The following CNTN4 variants were observed in gnomAD, a reference collection of about 807,000 sequenced individuals.
The protein encoded by CNTN4 is contactin-4.
Under a neutral mutation model 122.5 loss-of-function variants are expected in CNTN4, and 77 were observed. The observed-to-expected ratio is 0.63, with a 90% confidence interval of 0.52 to 0.76. The LOEUF (loss-of-function observed/expected upper bound fraction) is 0.76. Among genes scored for constraint, CNTN4 ranks in the 30% least tolerant of loss-of-function variants. The pLI is 0.00. For missense variants in CNTN4, 1,256 were observed against 1,259.1 expected (o/e 1.00, Z 0.04); for synonymous variants, 512 against 447.0 (o/e 1.15, Z -1.83).
At chr3:2,693,264 T>A (rs1347738655) in intron 4 of CNTN4, among the ~76,000 whole-genome samples, 1 of 152,338 alleles carries the variant, frequency 6.6e-6, no homozygotes, top group East Asian at 1.9e-4. Flanking sequence ...GACCAGTGCA[T>A]ATTTCTGTGT....
chr3:2,747,528 G>A (rs9855245), intron 6 of CNTN4, among the ~76,000 whole-genome samples: 12,922 of 151,528 alleles, frequency 0.085, 811 homozygotes, highest in African/African-American at 0.18. Context: ...GTAAAAGACC[G>A]GGCATTTTAC....
At chr3:2,448,941 C>T (rs2048725401) in intron 3 of CNTN4, among the ~76,000 whole-genome samples, 1 of 152,170 alleles carries the variant, frequency 6.6e-6, no homozygotes, top group Non-Finnish European at 1.5e-5. Flanking sequence ...GGCTACCTTT[C>T]TATCTCCAGA....
chr3:2,920,825 G>A (rs62232814), intron 12 of CNTN4, among the ~76,000 whole-genome samples: 59,688 of 151,854 alleles, frequency 0.39, 11,957 homozygotes, highest in East Asian at 0.64. Flanking sequence ...AACGCCCAAA[G>A]GAATAGGAGT....
At chr3:2,193,345 G>A (rs970765987) in intron 2 of CNTN4, among the ~76,000 whole-genome samples, 12 of 150,168 alleles carry the variant, frequency 8.0e-5, no homozygotes, top group African/African-American at 2.7e-4. Flanking sequence ...CTTTGAAGGA[G>A]AAGGAAAAAA....
At chr3:2,549,791 T>C (rs576912723) in intron 3 of CNTN4, among the ~76,000 whole-genome samples, 3 of 152,312 alleles carry the variant, frequency 2.0e-5, no homozygotes, top group Admixed American at 2.0e-4. Flanking sequence ...CTCCTCTTTG[T>C]ACCTCTGGTA....
intron 12 of CNTN4, among the ~76,000 whole-genome samples, chr3:2,913,396 A>C (rs2094321873): frequency 6.6e-6 from 1 of 152,186 alleles, no homozygotes; most frequent in South Asian, 2.1e-4. Context: ...ACAGGATCTA[A>C]CTATATGCTC....
At chr3:2,476,331 G>A (rs1401018378) in intron 3 of CNTN4, among the ~76,000 whole-genome samples, 1 of 152,140 alleles carries the variant, frequency 6.6e-6, no homozygotes, top group East Asian at 1.9e-4. Context: ...GCAGGATCTT[G>A]AGTACATTTT....
chr3:2,386,317 G>A (rs753540319), intron 3 of CNTN4, among the ~76,000 whole-genome samples: 2 of 152,036 alleles, frequency 1.3e-5, no homozygotes, highest in African/African-American at 2.4e-5. Context: ...CAGTAGAATG[G>A]CCAGGTGGTA....
intron 7 of CNTN4, among the ~76,000 whole-genome samples, chr3:2,825,469 G>A (rs1042468092): frequency 3.3e-5 from 5 of 151,824 alleles, no homozygotes; most frequent in South Asian, 2.1e-4. Flanking sequence ...GGATCCACCC[G>A]CTTCAGCCTC....
intron 4 of CNTN4, among the ~76,000 whole-genome samples, chr3:2,716,335 ATATTAT>A (rs141286870): frequency 6.6e-6 from 1 of 150,996 alleles, no homozygotes; most frequent in South Asian, 2.1e-4. Flanking sequence ...GATATATCTA[ATATTAT>A]TATATTATTA....
At chr3:2,268,330 C>T (rs1000551097) in intron 2 of CNTN4, among the ~76,000 whole-genome samples, 5 of 151,802 alleles carry the variant, frequency 3.3e-5, no homozygotes, top group Admixed American at 3.3e-4. Flanking sequence ...AGTTTTAAGT[C>T]TAAAAATATG....
chr3:2,447,897 G>A (rs1183700386), intron 3 of CNTN4, among the ~76,000 whole-genome samples: 2 of 151,998 alleles, frequency 1.3e-5, no homozygotes, highest in East Asian at 3.9e-4. Context: ...TTTTAAGGAT[G>A]AGGAAATGTA....
At chr3:2,777,703 A>C (rs1316557027) in intron 6 of CNTN4, among the ~76,000 whole-genome samples, 1 of 152,226 alleles carries the variant, frequency 6.6e-6, no homozygotes, top group Non-Finnish European at 1.5e-5. Context: ...GATACCCTCA[A>C]GTGGCCAGTT....
At chr3:2,467,119 A>G (rs112709661) in intron 3 of CNTN4, among the ~76,000 whole-genome samples, 1,763 of 147,870 alleles carry the variant, frequency 0.012, 49 homozygotes, top group African/African-American at 0.042. Context: ...ATTGGATGAT[A>G]TGCAAAATTA....
Position 3,040,078 on chromosome 3 carries a change from T to C in CNTN4, c.2205T>C (p.Tyr735=), listed in dbSNP as rs112567538. The change falls in exon 20 of 25, where the codon TAT becomes TAC. Residue 735 remains tyrosine (Y), a synonymous_variant. Coordinates refer to ENST00000418658, the MANE Select transcript of CNTN4 (RefSeq NM_175607.3). The part of the protein sequence containing the change: ...EELQNGRGFG[Y]VVAFRPYGKM... ...TACAGAATGGTCGAGGCTTTGGTTA[T>C]GTGGTGGCCTTCCGGCCCTACGGTA... 1,599 of 1,614,206 alleles carry C rather than the reference T, an allele frequency of 9.9e-4. 20 individuals carry two copies. The African/African-American group carries it at 0.019, about 19-fold the overall frequency.
intron 8 of CNTN4, among the ~76,000 whole-genome samples, chr3:2,876,648 G>A (rs796951386): frequency 6.6e-6 from 1 of 152,196 alleles, no homozygotes; most frequent in Non-Finnish European, 1.5e-5. Flanking sequence ...AAACAAGCAC[G>A]ATGTGTTGCT....
intron 2 of CNTN4, among the ~76,000 whole-genome samples, chr3:2,107,498 C>A (rs12488900): frequency 0.15 from 22,728 of 152,068 alleles, 2,238 homozygotes; most frequent in Admixed American, 0.28. Flanking sequence ...GAGAATCATT[C>A]ACTATCACGA....
At position 2,922,460 on chromosome 3, in the gene CNTN4, T is replaced by G. The variant is rs1030794166; in HGVS notation, c.1208-3169T>G. ...AATGGGAGAATGTTAAGAAATCCAT[T>G]AATAGCTCAAGTATTCAAAAACTGA... On this transcript the variant is annotated intron_variant, in intron 12 of 24. Coordinates refer to ENST00000418658, the MANE Select transcript of CNTN4 (RefSeq NM_175607.3). Among the ~76,000 whole-genome samples, 3 of 152,218 alleles carry G rather than the reference T, an allele frequency of 2.0e-5. No individual in the cohort carries two copies. In the East Asian group the frequency reaches 5.8e-4, roughly 29 times the overall value.
intron 3 of CNTN4, among the ~76,000 whole-genome samples, chr3:2,466,234 C>A (rs2075491333): frequency 6.6e-6 from 1 of 152,198 alleles, no homozygotes; most frequent in African/African-American, 2.4e-5. Flanking sequence ...GAGAATTTCA[C>A]TTTGAATATT....
Sources: gnomAD v4.1 joint callset for allele counts (sites outside exome capture counted in the v4.1 genomes callset) on GRCh38, gnomAD v4.1.1 for gene constraint, MANE v1.5 for transcripts, NCBI Gene and HGNC (gene_info 2026-07-23, HGNC 2026-07-21) for gene names.